SHISA7: variants seen among roughly 807,000 people sequenced by gnomAD.
SHISA7 encodes shisa family member 7.
A neutral mutation model predicts 23.9 loss-of-function variants in SHISA7; 6 were observed. The ratio of observed to expected loss-of-function variants is 0.25; its 90% CI spans 0.14 to 0.50. SHISA7 has a LOEUF of 0.50. Among genes scored for constraint, SHISA7 ranks in the 20% least tolerant of loss-of-function variants. SHISA7 has a pLI of 0.98. For missense variants in SHISA7, 671 were observed against 801.1 expected (o/e 0.84, Z 1.96); for synonymous variants, 386 against 398.3 (o/e 0.97, Z 0.37).
chr19:55,433,583 C>A lies in SHISA7; in HGVS notation c.1190G>T (p.Arg397Leu). 2 of 1,498,644 alleles carry A rather than the reference C, an allele frequency of 1.3e-6. No individual in the cohort carries two copies. The highest frequency in any genetic ancestry group is 8.8e-7 in the Non-Finnish European group (1 of 1,130,098). The allele number at this position is 1,498,644 out of a possible 1,614,324, so 92.8% of individuals were successfully genotyped here. A position where few individuals can be genotyped will look rare whatever the true frequency, so the allele number is the denominator to read the frequency against. ...EHLLGDGGRS[R>L]YEFTLPRARL... is the part of the protein sequence containing the mutation. ...CGCGCGCGGCAGCGTGAACTCGTAGCGCGAACGGCCACCATCGCCCAGCAG... is the reference window on the plus strand; with the variant it reads ...CGCGCGCGGCAGCGTGAACTCGTAGAGCGAACGGCCACCATCGCCCAGCAG... Residue 397 changes from arginine to leucine, a missense_variant, in exon 4 of 4, where the codon CGC becomes CTC. Coordinates refer to ENST00000376325, the MANE Select transcript of SHISA7 (RefSeq NM_001145176.2). This position sits in a 1 kb window ranked among gnomAD's most constrained non-coding sequence, Gnocchi z 8.4.
intron 3 of SHISA7, among the ~76,000 whole-genome samples, chr19:55,436,020 C>T (rs1014960895): frequency 6.6e-6 from 1 of 152,168 alleles, no homozygotes; most frequent in African/African-American, 2.4e-5. Context: ...AGCACGGTGG[C>T]TCACACCTGT....
rs1344798637 is a variant in SHISA7 at position 55,433,522 on chromosome 19, C to T, written c.1251G>A (p.Ser417=). The change falls in exon 4 of 4, where the codon TCG becomes TCA. Residue 417 remains serine (S), a synonymous_variant. Transcript: ENST00000376325. This position sits in a 1 kb window ranked among gnomAD's most constrained non-coding sequence, Gnocchi z 8.4. ...LVSQEHLLLS[S]PEALRQSREH... ...CGCGACTCTGGCGCAGGGCCTCGGG[C>T]GAGGACAGCAGCAGGTGCTCCTGCG... The T allele has an allele frequency of 6.1e-6, 9 of 1,481,812 alleles. No homozygotes were observed. The highest frequency in any genetic ancestry group is 7.1e-6 in the Non-Finnish European group (8 of 1,123,192). The allele number at this position is 1,481,812 out of a possible 1,614,324, so 91.8% of individuals were successfully genotyped here.
chr19:55,434,634 G>A (rs1985340506), intron 3 of SHISA7, among the ~76,000 whole-genome samples: 2 of 116,178 alleles, frequency 1.7e-5, no homozygotes, highest in African/African-American at 6.4e-5. Flanking sequence ...TGTGTGGTGT[G>A]TGTGGTTGTG....
chr19:55,433,565 G>A lies in SHISA7; in HGVS notation c.1208C>T (p.Pro403Leu). Residue 403 changes from proline (P) to leucine (L), a missense_variant, in exon 4 of 4, where the codon CCG (proline) becomes CTG (leucine). Around this residue, in one of 5 missense-constraint regions of SHISA7, gnomAD observed 457 missense variants for 488.3 expected, o/e 0.94. Coordinates refer to ENST00000376325, the MANE Select transcript of SHISA7 (RefSeq NM_001145176.2). The surrounding 1 kb of genome is among the most constrained non-coding windows in gnomAD (Gnocchi z 8.4). Reference sequence around the variant, plus strand: ...CTCCTGCGACACCAGGCGCGCGCGCGGCAGCGTGAACTCGTAGCGCGAACG... The same window carrying A: ...CTCCTGCGACACCAGGCGCGCGCGCAGCAGCGTGAACTCGTAGCGCGAACG... ...GGRSRYEFTL[P>L]RARLVSQEHL... The A allele has an allele frequency of 6.7e-7, 1 of 1,495,782 alleles. No homozygotes were observed. The highest frequency in any genetic ancestry group is 8.9e-7 in the Non-Finnish European group (1 of 1,128,850). The allele number at this position is 1,495,782 out of a possible 1,614,324, so 92.7% of individuals were successfully genotyped here.
Position 55,433,255 on chromosome 19 carries a change from G to A in SHISA7, c.1518C>T (p.Pro506=). ...GCTCCAGCGTGCCCTGGCGCTGGAA[G>A]GGCGGCCTGCGGGCCAGTGTGCCCC... ...GGGGTLARRP[P]FQRQGTLEQL... The change falls in exon 4 of 4, where the codon CCC becomes CCT. Residue 506 remains proline (P), a synonymous_variant. Transcript: ENST00000376325. This position sits in a 1 kb window ranked among gnomAD's most constrained non-coding sequence, Gnocchi z 8.4. The A allele has an allele frequency of 6.6e-7, 1 of 1,521,400 alleles. No homozygotes were observed. Among genetic ancestry groups the A allele is most frequent in the African/African-American group, 1.4e-5 (1 of 70,186 alleles). 94.2% of individuals were successfully genotyped at this position (1,521,400 alleles called of 1,614,324 possible).
intron 3 of SHISA7, among the ~76,000 whole-genome samples, chr19:55,435,087 GTGGT>G (rs1985399397): frequency 1.3e-5 from 1 of 79,366 alleles, no homozygotes; most frequent in Non-Finnish European, 2.7e-5. Flanking sequence ...TGTGGTGTGT[GTGGT>G]GTGTGTGTAT....
chr19:55,434,554 G>GT (rs1985330505), intron 3 of SHISA7, among the ~76,000 whole-genome samples: 1 of 120,864 alleles, frequency 8.3e-6, no homozygotes, highest in Non-Finnish European at 1.7e-5. Flanking sequence ...GTGTGTGTAT[G>GT]GTGTGTGTGG....
At position 55,431,071 on chromosome 19, in the gene SHISA7, T is replaced by C. The variant is rs1187853140; in HGVS notation, c.*2085A>G. 2 of 152,258 alleles carry C rather than the reference T, an allele frequency of 1.3e-5. No individual in the cohort carries two copies. 9.4% of individuals were successfully genotyped at this position (152,258 alleles called of 1,614,324 possible). ...TGGATCCTAGTGGATGGTGACAGCATTGGCTCTCGTGGATCCTGGCAGGTG... is the reference window on the plus strand; with the variant it reads ...TGGATCCTAGTGGATGGTGACAGCACTGGCTCTCGTGGATCCTGGCAGGTG... On this transcript the variant is annotated 3_prime_UTR_variant, in exon 4 of 4. Transcript: ENST00000376325.
chr19:55,437,477 C>A, intron 3 of SHISA7, 128 bp downstream of exon 3: 1 of 1,241,846 alleles, frequency 8.1e-7, no homozygotes, highest in East Asian at 2.8e-5. Context: ...CCAGAACGAA[C>A]TTGGAGTAAA....
Position 55,433,238 on chromosome 19 carries a change from G to T in SHISA7, c.1535C>A (p.Thr512Lys). 1 of 1,523,978 alleles carries T rather than the reference G, an allele frequency of 6.6e-7. No homozygotes were observed. 94.4% of individuals were successfully genotyped at this position (1,523,978 alleles called of 1,614,324 possible). The change falls in exon 4 of 4, where the codon ACG becomes AAG. Residue 512 changes from threonine (T) to lysine (K), a missense_variant. Transcript: ENST00000376325. This position sits in a 1 kb window ranked among gnomAD's most constrained non-coding sequence, Gnocchi z 8.4. ...ARRPPFQRQG[T>K]LEQLQFIPGH... ...CGGGATGAACTGCAGCTGCTCCAGC[G>T]TGCCCTGGCGCTGGAAGGGCGGCCT...
intron 3 of SHISA7, among the ~76,000 whole-genome samples, chr19:55,436,737 C>T (rs766124198): frequency 6.6e-6 from 1 of 152,030 alleles, no homozygotes; most frequent in Non-Finnish European, 1.5e-5. Context: ...AGTGAAACCC[C>T]GTCTCTACAA....
chr19:55,433,645 G>C lies in SHISA7; in HGVS notation c.1128C>G (p.Pro376=). The change falls in exon 4 of 4, where the codon CCC becomes CCG. Residue 376 remains proline, a synonymous_variant. Transcript: ENST00000376325. This position sits in a 1 kb window ranked among gnomAD's most constrained non-coding sequence, Gnocchi z 8.4. ...WGGPEELGLA[P]APNPRRVMSQ... ...ACATGACCCGCCGGGGGTTGGGCGC[G>C]GGCGCCAGGCCCAGCTCCTCTGGGC... 1 of 1,489,304 alleles carries C rather than the reference G, an allele frequency of 6.7e-7. No individual in the cohort carries two copies. Among genetic ancestry groups the C allele is most frequent in the South Asian group, 1.3e-5 (1 of 79,344 alleles). The allele number at this position is 1,489,304 out of a possible 1,614,324, so 92.3% of individuals were successfully genotyped here. A position where few individuals can be genotyped will look rare whatever the true frequency, so the allele number is the denominator to read the frequency against.
chr19:55,436,492 ACTC>A (rs1985463759), intron 3 of SHISA7, among the ~76,000 whole-genome samples: 1 of 151,702 alleles, frequency 6.6e-6, no homozygotes, highest in Admixed American at 6.6e-5. Context: ...AATCCCAGCT[ACTC>A]AGGGGGCTAA....
chr19:55,434,433 GTGGT>G (rs1227647235), intron 3 of SHISA7, among the ~76,000 whole-genome samples: 4 of 137,472 alleles, frequency 2.9e-5, no homozygotes, highest in African/African-American at 8.3e-5. Flanking sequence ...TGGTGTGTGT[GTGGT>G]GTGTGTGTGT....
intron 3 of SHISA7, among the ~76,000 whole-genome samples, chr19:55,435,583 T>A (rs994529417): frequency 1.0e-5 from 1 of 99,110 alleles, no homozygotes; most frequent in African/African-American, 4.1e-5. Flanking sequence ...TGAGACTCCA[T>A]CTCTACAAAA....
At position 55,442,436 on chromosome 19, in the gene SHISA7, A is replaced by AGCG; in HGVS notation, c.425_427dup (p.Pro142dup). The AGCG allele has an allele frequency of 7.1e-7, 1 of 1,414,504 alleles. No individual in the cohort carries two copies. Among genetic ancestry groups the AGCG allele is most frequent in the Non-Finnish European group, 9.3e-7 (1 of 1,080,970 alleles). The allele number at this position is 1,414,504 out of a possible 1,614,324, so 87.6% of individuals were successfully genotyped here. On this transcript the variant is annotated inframe_insertion, in exon 1 of 4. Coordinates refer to ENST00000376325, the MANE Select transcript of SHISA7 (RefSeq NM_001145176.2). The stretch of plus-strand genomic sequence containing the variant: ...CCCAGCGCCCCCGGCGCCCCCAGCT[A>AGCG]GCGGCGGCGGCGTGGTGGCCCAGCG...
In SHISA7 at chr19:55,433,595, C is replaced by T; in HGVS notation, c.1178G>A (p.Gly393Asp). 6.7e-7 allele frequency: 1 copy of T among 1,498,264 alleles called. No homozygotes were observed. The highest frequency in any genetic ancestry group is 8.8e-7 in the Non-Finnish European group (1 of 1,130,084). The allele number at this position is 1,498,264 out of a possible 1,614,324, so 92.8% of individuals were successfully genotyped here. ...VMSQEHLLGD[G>D]GRSRYEFTLP... ...CGTGAACTCGTAGCGCGAACGGCCACCATCGCCCAGCAGGTGCTCCTGGGA... is the reference window on the plus strand; with the variant it reads ...CGTGAACTCGTAGCGCGAACGGCCATCATCGCCCAGCAGGTGCTCCTGGGA... The change falls in exon 4 of 4, where the codon GGT (glycine) becomes GAT (aspartate). Residue 393 changes from glycine (G) to aspartate (D), a missense_variant. By Grantham distance (94) the Gly-to-Asp change is moderately conservative. This residue lies in a region of SHISA7 where 457 missense variants were observed against 488.3 expected (regional missense o/e 0.94). Coordinates refer to ENST00000376325, the MANE Select transcript of SHISA7 (RefSeq NM_001145176.2). The surrounding 1 kb of genome is among the most constrained non-coding windows in gnomAD (Gnocchi z 8.4).
At chr19:55,434,767 G>A (rs200599041) in intron 3 of SHISA7, among the ~76,000 whole-genome samples, 10,264 of 118,054 alleles carry the variant, frequency 0.087, 626 homozygotes, top group African/African-American at 0.17. Context: ...TGTGTGTGGT[G>A]TGTGGTGTGT....
rs916048261 is a variant in SHISA7, at chr19:55,431,310, T to G, written c.*1846A>C. 1.3e-5 allele frequency: 2 copies of G among 152,134 alleles called. No individual in the cohort carries two copies. The highest frequency in any genetic ancestry group is 2.9e-5 in the Non-Finnish European group (2 of 68,026). The allele number at this position is 152,134 out of a possible 1,614,324, so 9.4% of individuals were successfully genotyped here. On this transcript the variant is annotated 3_prime_UTR_variant, in exon 4 of 4. Coordinates refer to ENST00000376325, the MANE Select transcript of SHISA7 (RefSeq NM_001145176.2). ...TGGGAAATGGTGGAATCATCAGTCCTAGTGGATTTCAGTAGAGGATGTCTC... is the reference window on the plus strand; with the variant it reads ...TGGGAAATGGTGGAATCATCAGTCCGAGTGGATTTCAGTAGAGGATGTCTC...
Sources: allele counts gnomAD v4.1 joint callset (sites outside exome capture counted in the v4.1 genomes callset), GRCh38; gene constraint gnomAD v4.1.1; regional missense constraint gnomAD v4.1.1; non-coding constraint Gnocchi (gnomAD v3.1); transcripts MANE v1.5; gene names NCBI Gene and HGNC (gene_info 2026-07-23, HGNC 2026-07-21).